Variants in FILIP1L observed in about 807,000 individuals in gnomAD.
The protein encoded by FILIP1L is filamin A interacting protein 1 like, also known as filamin A-interacting protein 1-like.
Under a neutral mutation model 96.6 loss-of-function variants are expected in FILIP1L, and 55 were observed. The ratio of observed to expected loss-of-function variants is 0.57; its 90% CI spans 0.46 to 0.71. The LOEUF (loss-of-function observed/expected upper bound fraction) is 0.71, where lower values mean the gene tolerates loss of function less well. Among genes scored for constraint, FILIP1L ranks in the 30% least tolerant of loss-of-function variants. The pLI is 0.00. For synonymous variants in FILIP1L, 467 were observed against 473.9 expected, an observed-to-expected ratio of 0.99 and a Z score of 0.19; for missense variants, 1,304 against 1,321.2, an observed-to-expected ratio of 0.99 and a Z score of 0.20.
At chr3:99,832,443 G>C (rs567579780) in intron 5 of FILIP1L, among the ~76,000 whole-genome samples, 1 of 148,808 alleles carries the variant, frequency 6.7e-6, no homozygotes, top group South Asian at 2.1e-4. Context: ...TGTTAGCCAG[G>C]ATGATCTCGA....
At chr3:100,037,472 ATT>A (rs2065128326) in intron 1 of FILIP1L, among the ~76,000 whole-genome samples, 1 of 152,150 alleles carries the variant, frequency 6.6e-6, no homozygotes, top group Non-Finnish European at 1.5e-5. Flanking sequence ...ACACACGCAC[ATT>A]GTTATCTTCA....
At chr3:100,076,056 A>G (rs998440619) in intron 1 of FILIP1L, among the ~76,000 whole-genome samples, 1 of 152,148 alleles carries the variant, frequency 6.6e-6, no homozygotes, top group African/African-American at 2.4e-5. Flanking sequence ...TCTTTCAACT[A>G]CATGGCTTTG....
chr3:99,864,661 T>C (rs905385335), intron 4 of FILIP1L, among the ~76,000 whole-genome samples: 5 of 152,096 alleles, frequency 3.3e-5, no homozygotes, highest in Non-Finnish European at 7.4e-5. Flanking sequence ...CTCCACCCAC[T>C]TGGCTCCCTG....
intron 1 of FILIP1L, among the ~76,000 whole-genome samples, chr3:100,001,250 A>G (rs1210088498): frequency 6.6e-6 from 1 of 152,134 alleles, no homozygotes; most frequent in Non-Finnish European, 1.5e-5. Context: ...CAGACCCTTA[A>G]TCTGTTTTTG....
chr3:99,983,496 A>G (rs1429460622), intron 1 of FILIP1L, among the ~76,000 whole-genome samples: 10 of 116,802 alleles, frequency 8.6e-5, no homozygotes, highest in East Asian at 6.7e-4. Flanking sequence ...ATATATATAT[A>G]TATATATATA....
At chr3:100,038,841 T>C (rs1456927495) in intron 1 of FILIP1L, among the ~76,000 whole-genome samples, 1 of 152,118 alleles carries the variant, frequency 6.6e-6, no homozygotes, top group Non-Finnish European at 1.5e-5. Flanking sequence ...CCCAGATGTA[T>C]TGTTAAGTCC....
intron 1 of FILIP1L, among the ~76,000 whole-genome samples, chr3:99,945,408 C>G (rs919313526): frequency 5.3e-5 from 8 of 152,136 alleles, no homozygotes; most frequent in Non-Finnish European, 1.0e-4. Context: ...GGGGTTCCAC[C>G]CACTGTGTGT....
intron 1 of FILIP1L, among the ~76,000 whole-genome samples, chr3:100,004,875 G>A (rs904193800): frequency 6.6e-6 from 1 of 152,198 alleles, no homozygotes; most frequent in Non-Finnish European, 1.5e-5. Context: ...ATTAGAGGCA[G>A]GAGAATTATT....
At chr3:100,090,032 G>C (rs2066077078) in intron 1 of FILIP1L, among the ~76,000 whole-genome samples, 3 of 152,150 alleles carry the variant, frequency 2.0e-5, no homozygotes, top group Admixed American at 1.3e-4. Flanking sequence ...CTCCTGATAG[G>C]AGTGCGTGGA....
At position 99,829,318 on chromosome 3, in the gene FILIP1L, A is replaced by T. The variant is rs1424392302; in HGVS notation, c.*1096T>A. ...GCCTTGTCTTAAAATGTCCTGTATT[A>T]CTCTGTCCACACTGAATTACAGGCA... On this transcript the variant is annotated 3_prime_UTR_variant, in exon 6 of 6. Coordinates refer to ENST00000477258, the MANE Select transcript of FILIP1L (RefSeq NM_001387850.1). 3.3e-5 allele frequency among the ~76,000 whole-genome samples: 5 copies of T among 151,922 alleles called. No homozygotes were observed. The East Asian group carries it at 9.6e-4, about 29-fold the overall frequency.
intron 1 of FILIP1L, among the ~76,000 whole-genome samples, chr3:99,974,050 G>C (rs1255255420): frequency 6.6e-6 from 1 of 152,200 alleles, no homozygotes; most frequent in Non-Finnish European, 1.5e-5. Flanking sequence ...TTAAGAACAA[G>C]AAGGTTTTCT....
chr3:99,937,352 A>G (rs574844937), intron 1 of FILIP1L, among the ~76,000 whole-genome samples: 5 of 152,354 alleles, frequency 3.3e-5, no homozygotes, highest in South Asian at 2.1e-4. Flanking sequence ...AGTCTATTCA[A>G]TAAAGATGTT....
intron 4 of FILIP1L, among the ~76,000 whole-genome samples, chr3:99,856,053 C>T (rs1339781830): frequency 6.6e-6 from 1 of 152,306 alleles, no homozygotes; most frequent in Admixed American, 6.5e-5. Flanking sequence ...CAAGGCACTG[C>T]TCCATCCATT....
chr3:99,954,161 A>G (rs1461003391), intron 1 of FILIP1L, among the ~76,000 whole-genome samples: 1 of 152,248 alleles, frequency 6.6e-6, no homozygotes, highest in Non-Finnish European at 1.5e-5. Context: ...ATTGGTCTTC[A>G]TATTTCACAG....
At chr3:100,036,335 A>T (rs1013514494) in intron 1 of FILIP1L, among the ~76,000 whole-genome samples, 2 of 152,186 alleles carry the variant, frequency 1.3e-5, no homozygotes, top group Non-Finnish European at 2.9e-5. Context: ...AGCCTGGAAC[A>T]TCTTTTCATG....
intron 1 of FILIP1L, among the ~76,000 whole-genome samples, chr3:99,979,476 C>A (rs1451771876): frequency 6.6e-6 from 1 of 152,072 alleles, no homozygotes; most frequent in African/African-American, 2.4e-5. Context: ...AGATGATGAA[C>A]CAGCATTGGA....
intron 4 of FILIP1L, among the ~76,000 whole-genome samples, chr3:99,877,292 C>T (rs564403114): frequency 2.0e-5 from 3 of 152,228 alleles, no homozygotes; most frequent in East Asian, 3.9e-4. Flanking sequence ...GTACATATGT[C>T]TGTAGAATTA....
intron 1 of FILIP1L, among the ~76,000 whole-genome samples, chr3:99,995,033 G>T (rs561311575): frequency 6.6e-6 from 1 of 152,158 alleles, no homozygotes; most frequent in South Asian, 2.1e-4. Flanking sequence ...AACCAATCAT[G>T]CCTTCCCAAC....
intron 1 of FILIP1L, among the ~76,000 whole-genome samples, chr3:100,084,154 C>T (rs1047312264): frequency 6.6e-6 from 1 of 152,154 alleles, no homozygotes; most frequent in Admixed American, 6.6e-5. Context: ...GTCTAGACTT[C>T]TAGATTATGC....
Sources: gnomAD v4.1 joint callset for allele counts (sites outside exome capture counted in the v4.1 genomes callset) on GRCh38, gnomAD v4.1.1 for gene constraint, MANE v1.5 for transcripts, NCBI Gene and HGNC (gene_info 2026-07-23, HGNC 2026-07-21) for gene names.